Variants in VAV2 observed in about 807,000 individuals in gnomAD.
The protein encoded by VAV2 is vav guanine nucleotide exchange factor 2.
In VAV2, 67 loss-of-function variants were observed where a neutral mutation model predicts 132.5. The ratio of observed to expected loss-of-function variants is 0.51; its 90% CI spans 0.42 to 0.62. VAV2 has a LOEUF of 0.62. VAV2 is among the 20% of genes least tolerant of loss of function. The probability of loss-of-function intolerance (pLI) is 0.00; values close to 1 mark genes in which losing one functional copy is unlikely to be tolerated. For missense variants in VAV2, 938 were observed against 1,153.6 expected (o/e 0.81, Z 2.71); for synonymous variants, 492 against 443.5 (o/e 1.11, Z -1.37).
In VAV2 at chr9:133,935,306, G is replaced by A. The variant is rs1020260908; in HGVS notation, c.321+3797C>T. On this transcript the variant is annotated intron_variant, in intron 2 of 29. Coordinates refer to ENST00000371850, the MANE Select transcript of VAV2 (RefSeq NM_001134398.2). This position sits in a 1 kb window ranked among gnomAD's most constrained non-coding sequence, Gnocchi z 5.2. ...CCCCGAAAAAATGAAAGGGGCATTC[G>A]CTCTTCATCTCTGTGGCCAGAGGGA... Among the ~76,000 whole-genome samples the A allele has an allele frequency of 2.6e-5, 4 of 152,168 alleles. No individual in the cohort carries two copies. Among genetic ancestry groups the A allele is most frequent in the African/African-American group, 9.6e-5 (4 of 41,452 alleles).
At chr9:133,983,737 A>T (rs2132299592) in intron 1 of VAV2, among the ~76,000 whole-genome samples, 1 of 152,056 alleles carries the variant, frequency 6.6e-6, no homozygotes, top group Non-Finnish European at 1.5e-5. Flanking sequence ...CACTCAACAC[A>T]GCCCTCAAGT....
In VAV2 at chr9:133,765,066, G is replaced by C. The variant is rs144376042; in HGVS notation, c.2590-957C>G. On this transcript the variant is annotated intron_variant, in intron 29 of 29. Transcript: ENST00000371850. Reference sequence around the variant, plus strand: ...CTTGGAAAAATGACTGATTCCTGGGGGACGATGAATAAGTACAGGAGAAAA... The same window carrying C: ...CTTGGAAAAATGACTGATTCCTGGGCGACGATGAATAAGTACAGGAGAAAA... Among the ~76,000 whole-genome samples, 689 of 152,244 alleles carry C rather than the reference G, an allele frequency of 4.5e-3. 3 individuals carry two copies. The highest frequency in any genetic ancestry group is 0.015 in the African/African-American group (641 of 41,564).
intron 2 of VAV2, among the ~76,000 whole-genome samples, chr9:133,920,281 G>A (rs1414928570): frequency 6.6e-6 from 1 of 152,232 alleles, no homozygotes; most frequent in Non-Finnish European, 1.5e-5. Context: ...CCACGAAGCA[G>A]CCCTGGCCCT....
intron 1 of VAV2, among the ~76,000 whole-genome samples, chr9:133,947,753 G>C (rs866780328): frequency 2.8e-4 from 43 of 151,628 alleles, no homozygotes; most frequent in African/African-American, 9.7e-4. Context: ...ACACTGAGAG[G>C]CTTCCCAGGC....
chr9:133,964,004 TA>T (rs983724923), intron 1 of VAV2, among the ~76,000 whole-genome samples: 1 of 130,820 alleles, frequency 7.6e-6, no homozygotes, highest in African/African-American at 2.8e-5. Flanking sequence ...TAGTAAACTT[TA>T]AAAAAAATTA....
intron 2 of VAV2, among the ~76,000 whole-genome samples, chr9:133,907,722 T>C (rs1463944504): frequency 2.0e-5 from 3 of 152,366 alleles, no homozygotes; most frequent in East Asian, 3.9e-4. Flanking sequence ...TGCCAGCCTT[T>C]GTAAAGAAAT....
chr9:133,933,940 GA>G (rs1184373704), intron 2 of VAV2, among the ~76,000 whole-genome samples: 5 of 83,500 alleles, frequency 6.0e-5, no homozygotes, highest in Admixed American at 2.3e-4. Flanking sequence ...TGGATGGATG[GA>G]TGGATGGATG....
rs996050721 is a variant in VAV2 at position 133,857,910 on chromosome 9, G to A, written c.380+3464C>T. Among the ~76,000 whole-genome samples, 1 of 152,250 alleles carries A rather than the reference G, an allele frequency of 6.6e-6. No homozygotes were observed. The highest frequency in any genetic ancestry group is 1.5e-5 in the Non-Finnish European group (1 of 68,032). ...GAAGGGCAGGAAAGCCAGGCCCCGG[G>A]GAGGAGGGCCTGCAGAGGTCTTCCT... On this transcript the variant is annotated intron_variant, in intron 3 of 29. Transcript: ENST00000371850. This position sits in a 1 kb window ranked among gnomAD's most constrained non-coding sequence, Gnocchi z 4.0.
At chr9:133,841,134 G>A (rs1564397042) in intron 3 of VAV2, among the ~76,000 whole-genome samples, 3 of 152,060 alleles carry the variant, frequency 2.0e-5, no homozygotes, top group African/African-American at 7.2e-5. Flanking sequence ...TCTAGGGGAC[G>A]AGCCCGGACA....
intron 2 of VAV2, among the ~76,000 whole-genome samples, chr9:133,878,530 C>G (rs1013759495): frequency 6.6e-6 from 1 of 152,186 alleles, no homozygotes; most frequent in African/African-American, 2.4e-5. Flanking sequence ...CCCACGGCTG[C>G]CCCGCTGCAG....
At chr9:133,783,006 G>A (rs1206766650) in intron 19 of VAV2, among the ~76,000 whole-genome samples, 1 of 152,178 alleles carries the variant, frequency 6.6e-6, no homozygotes, top group Admixed American at 6.5e-5. Context: ...TTCCCTAAAT[G>A]GGCATGAACA....
In VAV2 at chr9:133,804,271, G is replaced by A. The variant is rs1431572024; in HGVS notation, c.836+1810C>T. ...ATTTGGTGATGAGCTCTGATGAAAC[G>A]CTGACAGCCCCTTCCCCAAACAGAC... On this transcript the variant is annotated intron_variant, in intron 9 of 29. Coordinates refer to ENST00000371850, the MANE Select transcript of VAV2 (RefSeq NM_001134398.2). This position sits in a 1 kb window ranked among gnomAD's most constrained non-coding sequence, Gnocchi z 4.5. Among the ~76,000 whole-genome samples the A allele has an allele frequency of 1.3e-5, 2 of 152,176 alleles. No homozygotes were observed. Among genetic ancestry groups the A allele is most frequent in the South Asian group, 2.1e-4 (1 of 4,826 alleles).
At chr9:133,954,717 T>A (rs564683218) in intron 1 of VAV2, among the ~76,000 whole-genome samples, 1 of 152,142 alleles carries the variant, frequency 6.6e-6, no homozygotes, top group Non-Finnish European at 1.5e-5. Context: ...TGCACATACA[T>A]GTGGGGGTGC....
intron 1 of VAV2, among the ~76,000 whole-genome samples, chr9:133,964,678 A>T (rs545218650): frequency 6.6e-6 from 1 of 152,228 alleles, no homozygotes; most frequent in Admixed American, 6.5e-5. Context: ...TACAGAAATC[A>T]ATAAACATGA....
intron 1 of VAV2, among the ~76,000 whole-genome samples, chr9:133,960,277 G>C (rs471882): frequency 0.34 from 52,462 of 152,112 alleles, 10,141 homozygotes; most frequent in Non-Finnish European, 0.43. Flanking sequence ...AGCTGGGCCA[G>C]AAAGTTCTTA....
chr9:133,971,666 C>T (rs940722552), intron 1 of VAV2, among the ~76,000 whole-genome samples: 11 of 152,174 alleles, frequency 7.2e-5, no homozygotes, highest in South Asian at 2.1e-4. Context: ...TCAAGGCCAG[C>T]GTGGGAAGGA....
Position 133,834,384 on chromosome 9 carries a change from T to C in VAV2, c.381-44A>G. 1 of 1,590,824 alleles carries C rather than the reference T, an allele frequency of 6.3e-7. No homozygotes were observed. The highest frequency in any genetic ancestry group is 8.6e-7 in the Non-Finnish European group (1 of 1,166,848). On this transcript the variant is annotated intron_variant, in intron 3 of 29. Coordinates refer to ENST00000371850, the MANE Select transcript of VAV2 (RefSeq NM_001134398.2). This position sits in a 1 kb window ranked among gnomAD's most constrained non-coding sequence, Gnocchi z 5.9. ...GAGGGAGGTGAGCAGGTCCCGGCAC[T>C]GCCGGCCAGTGGGACCCCAGCTGGA...
chr9:133,869,315 A>T (rs1452652184), intron 2 of VAV2, among the ~76,000 whole-genome samples: 2 of 151,816 alleles, frequency 1.3e-5, no homozygotes, highest in African/African-American at 4.8e-5. Context: ...ACAACAACAA[A>T]GTCTTTAAGG....
intron 29 of VAV2, among the ~76,000 whole-genome samples, chr9:133,767,595 A>C (rs1588149335): frequency 6.6e-6 from 1 of 152,234 alleles, no homozygotes; most frequent in East Asian, 1.9e-4. Context: ...CCTAAGCCTC[A>C]GTAGCCTTGA....
Sources: allele counts gnomAD v4.1 joint callset (sites outside exome capture counted in the v4.1 genomes callset), GRCh38; gene constraint gnomAD v4.1.1; non-coding constraint Gnocchi (gnomAD v3.1); transcripts MANE v1.5; gene names NCBI Gene and HGNC (gene_info 2026-07-23, HGNC 2026-07-21).